PCDH9: variants seen among roughly 807,000 people sequenced by gnomAD.
PCDH9 encodes the protein protocadherin-9.
A neutral mutation model predicts 70.6 loss-of-function variants in PCDH9; 24 were observed. That is an observed-to-expected ratio of 0.34 (90% CI 0.25 to 0.48). The LOEUF (loss-of-function observed/expected upper bound fraction) is 0.48, where lower values mean the gene tolerates loss of function less well. PCDH9 is among the 20% of genes least tolerant of loss of function. The probability of loss-of-function intolerance (pLI) is 0.99; values close to 1 mark genes in which losing one functional copy is unlikely to be tolerated. For missense variants in PCDH9, 1,281 were observed against 1,503.6 expected (o/e 0.85, Z 2.45); for synonymous variants, 562 against 558.5 (o/e 1.01, Z -0.09).
At chr13:66,428,411 C>G (rs768872425) in intron 4 of PCDH9, among the ~76,000 whole-genome samples, 2 of 151,638 alleles carry the variant, frequency 1.3e-5, no homozygotes, top group Non-Finnish European at 3.0e-5. Context: ...CCCACTGGAA[C>G]TAGATGAAGG....
At chr13:67,046,017 T>C (rs567558395) in intron 2 of PCDH9, among the ~76,000 whole-genome samples, 33 of 152,274 alleles carry the variant, frequency 2.2e-4, no homozygotes, top group Middle Eastern at 3.4e-3. Context: ...TCACCCCAAA[T>C]ATAAACTGAA....
intron 2 of PCDH9, among the ~76,000 whole-genome samples, chr13:67,006,622 T>G (rs1268074058): frequency 6.6e-6 from 1 of 152,210 alleles, no homozygotes; most frequent in East Asian, 1.9e-4. Context: ...AGGGATATAT[T>G]AAAAACACAG....
At chr13:66,457,447 T>C (rs1461479414) in intron 4 of PCDH9, among the ~76,000 whole-genome samples, 2 of 152,126 alleles carry the variant, frequency 1.3e-5, no homozygotes, top group African/African-American at 4.8e-5. Context: ...AGCTTGTTGA[T>C]GTTTGTAATC....
At chr13:67,215,048 T>C (rs1163797197) in intron 2 of PCDH9, 1 of 147,886 alleles carries the variant, frequency 6.8e-6, no homozygotes, top group African/African-American at 2.5e-5. Flanking sequence ...AAGCAAGGAC[T>C]AGTGCATTTA....
intron 3 of PCDH9, among the ~76,000 whole-genome samples, chr13:66,635,455 A>T (rs1472259959): frequency 6.6e-6 from 1 of 152,092 alleles, no homozygotes; most frequent in Non-Finnish European, 1.5e-5. Context: ...TCTACTCTAC[A>T]CAATTAATAG....
At chr13:66,598,653 T>C (rs2077130452) in intron 4 of PCDH9, among the ~76,000 whole-genome samples, 1 of 151,860 alleles carries the variant, frequency 6.6e-6, no homozygotes, top group African/African-American at 2.4e-5. Context: ...TAGCAACTAC[T>C]GGCTTAATGA....
intron 4 of PCDH9, among the ~76,000 whole-genome samples, chr13:66,599,504 T>A (rs1479400118): frequency 6.6e-6 from 1 of 151,884 alleles, no homozygotes; most frequent in Non-Finnish European, 1.5e-5. Context: ...TTAATTACAT[T>A]ATACATCAAT....
At chr13:66,371,332 G>A (rs972271747) in intron 4 of PCDH9, among the ~76,000 whole-genome samples, 3 of 152,110 alleles carry the variant, frequency 2.0e-5, no homozygotes, top group African/African-American at 7.2e-5. Flanking sequence ...ATGATATTGA[G>A]ATTTTCTTGG....
chr13:66,663,940 A>G (rs1454510728), intron 3 of PCDH9, among the ~76,000 whole-genome samples: 2 of 152,194 alleles, frequency 1.3e-5, no homozygotes, highest in Admixed American at 6.5e-5. Context: ...CTTTGAAGGC[A>G]ATTGTAGCTT....
intron 2 of PCDH9, among the ~76,000 whole-genome samples, chr13:67,075,540 G>GT (rs35879262): frequency 2.0e-5 from 3 of 151,462 alleles, no homozygotes; most frequent in Non-Finnish European, 4.4e-5. Context: ...ATCATGATGG[G>GT]TTTTTTTTCT....
At chr13:66,653,937 C>T (rs2077888669) in intron 3 of PCDH9, among the ~76,000 whole-genome samples, 1 of 142,398 alleles carries the variant, frequency 7.0e-6, no homozygotes. Flanking sequence ...CACTGCACTC[C>T]AGCCTGGGCG....
intron 2 of PCDH9, among the ~76,000 whole-genome samples, chr13:66,926,749 T>C (rs2082723632): frequency 6.6e-6 from 1 of 152,112 alleles, no homozygotes; most frequent in South Asian, 2.1e-4. Flanking sequence ...GCGTTTTTCA[T>C]GTACTTACAT....
rs765419683 is a variant in PCDH9, at chr13:67,225,998, T to A, written c.2443A>T (p.Ile815Phe). The A allele has an allele frequency of 6.2e-7, 1 of 1,614,090 alleles. No individual in the cohort carries two copies. The highest frequency in any genetic ancestry group is 1.3e-5 in the African/African-American group (1 of 75,032). The change falls in exon 2 of 5, where the codon ATC (isoleucine) becomes TTC (phenylalanine). Residue 815 changes from isoleucine to phenylalanine, a missense_variant. This residue lies in a region of PCDH9 where 798 missense variants were observed against 1,003.1 expected (regional missense o/e 0.80). Coordinates refer to ENST00000377865, the MANE Select transcript of PCDH9 (RefSeq NM_203487.3). ...GCACCGGCGATGATGGCAATCATGA[T>A]GGTTAGATAGTCCTCATTTTGATAG... is the stretch of plus-strand genomic sequence containing the variant. ...QPYQNEDYLT[I>F]MIAIIAGAMV... is the part of the protein sequence containing the mutation.
At chr13:66,591,451 T>C (rs2077038329) in intron 4 of PCDH9, among the ~76,000 whole-genome samples, 1 of 130,086 alleles carries the variant, frequency 7.7e-6, no homozygotes, top group Admixed American at 9.0e-5. Flanking sequence ...TACACATAGA[T>C]GGTAACTATC....
chr13:67,127,700 G>GTGTGTA (rs1555310069), intron 2 of PCDH9, among the ~76,000 whole-genome samples: 1 of 150,880 alleles, frequency 6.6e-6, no homozygotes, highest in African/African-American at 2.4e-5. Context: ...GTGTGTGTGT[G>GTGTGTA]TATGTGTGTG....
intron 2 of PCDH9, among the ~76,000 whole-genome samples, chr13:67,002,607 A>G (rs960861434): frequency 2.6e-5 from 4 of 152,094 alleles, no homozygotes; most frequent in South Asian, 2.1e-4. Context: ...TTAGAGATCA[A>G]TAATGATCTC....
chr13:66,762,346 G>T (rs1181713030), intron 3 of PCDH9, among the ~76,000 whole-genome samples: 1 of 152,022 alleles, frequency 6.6e-6, no homozygotes, highest in Non-Finnish European at 1.5e-5. Flanking sequence ...AGGCCAGGAG[G>T]CTAAATTAAT....
chr13:66,625,123 GATCACTAT>G (rs139456326), intron 4 of PCDH9, among the ~76,000 whole-genome samples: 13,491 of 151,736 alleles, frequency 0.089, 813 homozygotes, highest in Admixed American at 0.17. Context: ...CTTCATAATC[GATCACTAT>G]CAATGATAAC....
chr13:66,701,292 C>A (rs1017636072), intron 3 of PCDH9, among the ~76,000 whole-genome samples: 1 of 151,810 alleles, frequency 6.6e-6, no homozygotes, highest in Non-Finnish European at 1.5e-5. Context: ...CACACACGCA[C>A]ACACACATAT....
Sources: gnomAD v4.1 joint callset for allele counts (sites outside exome capture counted in the v4.1 genomes callset) on GRCh38, gnomAD v4.1.1 for gene constraint, gnomAD v4.1.1 regional missense constraint, MANE v1.5 for transcripts, NCBI Gene and HGNC (gene_info 2026-07-23, HGNC 2026-07-21) for gene names.